Variants in ANKRD30BL observed in about 807,000 individuals in gnomAD.
ANKRD30BL encodes putative ankyrin repeat domain-containing protein 30B-like.
In ANKRD30BL, 20 loss-of-function variants were observed where a neutral mutation model predicts 18.4. That is an observed-to-expected ratio of 1.09 (90% confidence interval 0.77 to 1.58). The LOEUF is 1.58. Ranked by LOEUF, ANKRD30BL falls within the 40% of genes most tolerant of loss-of-function variation. The pLI, the probability that ANKRD30BL is intolerant of heterozygous loss-of-function variation, is 0.00. For missense variants in ANKRD30BL, 224 were observed against 268.6 expected (o/e 0.83, Z 1.16); for synonymous variants, 72 against 100.9 (o/e 0.71, Z 1.72).
At chr2:132,226,649 G>A (rs541669970) in intron 1 of ANKRD30BL, among the ~76,000 whole-genome samples, 1 of 151,764 alleles carries the variant, frequency 6.6e-6, no homozygotes, top group Non-Finnish European at 1.5e-5. Context: ...ATCTGCAAGT[G>A]GACATTTGGT....
At chr2:132,219,725 G>A (rs1329071067) in intron 1 of ANKRD30BL, among the ~76,000 whole-genome samples, 2 of 152,066 alleles carry the variant, frequency 1.3e-5, no homozygotes, top group African/African-American at 4.8e-5. Flanking sequence ...TGACAGAGTT[G>A]AACCTTTTTT....
intron 1 of ANKRD30BL, among the ~76,000 whole-genome samples, chr2:132,181,849 C>A (rs546494932): frequency 4.6e-5 from 7 of 152,152 alleles, no homozygotes; most frequent in African/African-American, 1.7e-4. Flanking sequence ...CGGTGGCTCA[C>A]ACCTGTAATT....
At chr2:132,179,063 G>A (rs1475100494) in intron 1 of ANKRD30BL, among the ~76,000 whole-genome samples, 5 of 151,594 alleles carry the variant, frequency 3.3e-5, no homozygotes, top group African/African-American at 1.2e-4. Context: ...TATTGGTCCT[G>A]TAGGATTGTA....
rs552391506 is a variant in ANKRD30BL, at chr2:132,255,447, G to A, written n.441+2082C>T. ...CAGGACACTCAGCTAAGAGCATCCA[G>A]GGGGCACCGAGAGGCAAGAAGCAGG... On this transcript the variant is annotated intron_variant and non_coding_transcript_variant, in intron 1 of 4. Coordinates refer to the ANKRD30BL transcript ENST00000470729. 2.0e-3 allele frequency among the ~76,000 whole-genome samples: 309 copies of A among 151,968 alleles called. 2 individuals carry two copies. Among genetic ancestry groups the A allele is most frequent in the African/African-American group, 7.2e-3 (298 of 41,464 alleles).
At chr2:132,169,037 G>A (rs906994301) in intron 1 of ANKRD30BL, among the ~76,000 whole-genome samples, 2 of 151,962 alleles carry the variant, frequency 1.3e-5, no homozygotes, top group Non-Finnish European at 2.9e-5. Context: ...CTCTGCACCT[G>A]TATTCCTATC....
chr2:132,226,249 T>C (rs112269162), intron 1 of ANKRD30BL, among the ~76,000 whole-genome samples: 2 of 151,750 alleles, frequency 1.3e-5, no homozygotes, highest in African/African-American at 2.4e-5. Context: ...ATTCACAGAG[T>C]TGAACCTTTC....
At chr2:132,243,053 T>C (rs533620977) in intron 1 of ANKRD30BL, among the ~76,000 whole-genome samples, 1 of 151,822 alleles carries the variant, frequency 6.6e-6, no homozygotes, top group South Asian at 2.1e-4. Context: ...CGGGAATATC[T>C]TCACATAAAA....
chr2:132,164,002 G>A (rs781105308), upstream of ANKRD30BL, among the ~76,000 whole-genome samples: 3 of 152,104 alleles, frequency 2.0e-5, no homozygotes, highest in South Asian at 4.1e-4. Context: ...TGATGTCTAC[G>A]ACTCAATTCT....
intron 1 of ANKRD30BL, among the ~76,000 whole-genome samples, chr2:132,226,655 T>A (rs1392398870): frequency 6.6e-6 from 1 of 151,712 alleles, no homozygotes; most frequent in Non-Finnish European, 1.5e-5. Flanking sequence ...AAGTGGACAT[T>A]TGGTGTGCTT....
At chr2:132,210,235 C>G (rs146123036) in intron 1 of ANKRD30BL, among the ~76,000 whole-genome samples, 1 of 126,054 alleles carries the variant, frequency 7.9e-6, no homozygotes, top group Non-Finnish European at 1.7e-5. Flanking sequence ...CTGAGAAACT[C>G]CTTTGTGATG....
chr2:132,161,680 A>G lies in ANKRD30BL; in HGVS notation c.26T>C (p.Val9Ala). The stretch of plus-strand genomic sequence containing the variant: ...GCGCTCTGGGCCCGTCTGGCCCTTG[A>G]CAGGGGCGGCAGAGAGCCTCTCCAT... MERLSAAP[V>A]KGQTGPERPS... The change falls in exon 1 of 6, where the codon GTC becomes GCC. Residue 9 changes from valine (V) to alanine (A), a missense_variant. Around this residue, in one of 3 missense-constraint regions of ANKRD30BL, gnomAD observed 131 missense variants for 128.8 expected, o/e 1.02. Coordinates refer to ENST00000409867, the MANE Select transcript of ANKRD30BL (RefSeq NM_001358416.1). 1 of 1,448,766 alleles carries G rather than the reference A, an allele frequency of 6.9e-7. No individual in the cohort carries two copies. Among genetic ancestry groups the G allele is most frequent in the Non-Finnish European group, 9.5e-7 (1 of 1,056,290 alleles). The allele number at this position is 1,448,766 out of a possible 1,614,324, so 89.7% of individuals were successfully genotyped here. A position where few individuals can be genotyped will look rare whatever the true frequency, so the allele number is the denominator to read the frequency against.
chr2:132,199,149 A>G (rs1679039233), intron 1 of ANKRD30BL, among the ~76,000 whole-genome samples: 1 of 152,124 alleles, frequency 6.6e-6, no homozygotes, highest in Non-Finnish European at 1.5e-5. Flanking sequence ...CAAGAGACAT[A>G]GACCATTTTG....
intron 1 of ANKRD30BL, among the ~76,000 whole-genome samples, chr2:132,217,542 T>A (rs1051510818): frequency 3.3e-5 from 5 of 152,142 alleles, no homozygotes; most frequent in Non-Finnish European, 7.4e-5. Flanking sequence ...ACACACTCTT[T>A]TAGTAGAATC....
intron 1 of ANKRD30BL, among the ~76,000 whole-genome samples, chr2:132,226,149 G>T (rs75825284): frequency 6.6e-6 from 1 of 151,780 alleles, no homozygotes; most frequent in Non-Finnish European, 1.5e-5. Flanking sequence ...TATTTTGACC[G>T]CTTAGAGGCC....
intron 1 of ANKRD30BL, among the ~76,000 whole-genome samples, chr2:132,195,788 C>CAAAAAA (rs1205804103): frequency 1.3e-3 from 65 of 48,664 alleles, no homozygotes; most frequent in African/African-American, 3.4e-3. Flanking sequence ...GAGCCTCTGC[C>CAAAAAA]AAAAAAAAAA....
intron 1 of ANKRD30BL, chr2:132,257,225 C>T: frequency 2.5e-6 from 1 of 394,510 alleles, no homozygotes; most frequent in Non-Finnish European, 5.0e-6. Context: ...ATGCCCCCCA[C>T]TTGGGACGCT....
chr2:132,161,936 G>C lies in ANKRD30BL; in HGVS notation c.-231C>G, dbSNP rs1688081630. 1 of 530,896 alleles carries C rather than the reference G, an allele frequency of 1.9e-6. No individual in the cohort carries two copies. Among genetic ancestry groups the C allele is most frequent in the Non-Finnish European group, 3.4e-6 (1 of 294,368 alleles). 32.9% of individuals were successfully genotyped at this position (530,896 alleles called of 1,614,324 possible). ...GGCACCTGAGCAGAACCTTTAGGCA[G>C]CTGAGCAGAACCGTTAGGCAACAGC... On this transcript the variant is annotated 5_prime_UTR_variant, in exon 1 of 6. Coordinates refer to ENST00000409867, the MANE Select transcript of ANKRD30BL (RefSeq NM_001358416.1).
At chr2:132,177,097 AC>A (rs953718955) in intron 1 of ANKRD30BL, among the ~76,000 whole-genome samples, 18 of 152,136 alleles carry the variant, frequency 1.2e-4, no homozygotes, top group Admixed American at 3.9e-4. Flanking sequence ...GTAGTGGCTA[AC>A]TTTTTTGGTG....
chr2:132,252,753 G>A (rs74647033), intron 1 of ANKRD30BL, among the ~76,000 whole-genome samples: 16 of 151,572 alleles, frequency 1.1e-4, no homozygotes, highest in East Asian at 7.9e-4. Flanking sequence ...CACCGACGAC[G>A]TGAGACGACG....
Sources: allele counts gnomAD v4.1 joint callset (sites outside exome capture counted in the v4.1 genomes callset), GRCh38; gene constraint gnomAD v4.1.1; regional missense constraint gnomAD v4.1.1; transcripts MANE v1.5; gene names NCBI Gene and HGNC (gene_info 2026-07-23, HGNC 2026-07-21).